Variants in TJP2 observed in about 807,000 individuals in gnomAD.
TJP2 encodes Friedreich ataxia region gene X104 (tight junction protein ZO-2).
TJP2 carries 91 observed loss-of-function variants against 133.1 expected under a neutral mutation model. That is an observed-to-expected ratio of 0.68 (90% CI 0.58 to 0.81). The LOEUF (loss-of-function observed/expected upper bound fraction) is 0.81, where lower values mean the gene tolerates loss of function less well. Among genes scored for constraint, TJP2 ranks in the 40% least tolerant of loss-of-function variants. The pLI is 0.00. For missense variants in TJP2, 1,541 were observed against 1,565.6 expected, an observed-to-expected ratio of 0.98 and a Z score of 0.26; for synonymous variants, 592 against 583.4, an observed-to-expected ratio of 1.01 and a Z score of -0.21.
intron 1 of TJP2, among the ~76,000 whole-genome samples, chr9:69,192,353 T>A (rs1487808561): frequency 6.6e-6 from 1 of 152,060 alleles, no homozygotes; most frequent in Non-Finnish European, 1.5e-5. Flanking sequence ...GAGGTGAGTG[T>A]TATTCACTGG....
chr9:69,195,170 A>T lies in TJP2; in HGVS notation c.61-17378A>T, dbSNP rs557356044. 6.6e-5 allele frequency among the ~76,000 whole-genome samples: 10 copies of T among 152,192 alleles called. No individual in the cohort carries two copies. In the East Asian group the frequency reaches 1.9e-3, roughly 29 times the overall value. ...TATGATTATCTTTATCTTGGTGCCT[A>T]TTATGGGGGTGGTGGTTTGTATGTA... On this transcript the variant is annotated intron_variant, in intron 1 of 22. Coordinates refer to ENST00000377245, the MANE Select transcript of TJP2 (RefSeq NM_004817.4).
At position 69,236,948 on chromosome 9, in the gene TJP2, G is replaced by C. The variant is rs779021176; in HGVS notation, c.1992-1G>C. On this transcript the variant is annotated splice_acceptor_variant, in intron 13 of 22. Transcript: ENST00000377245. LOFTEE classifies it high-confidence loss of function. ...ATTTACTTCCCGTGGTTTCTTCTCA[G>C]AGCTGAACAAATGGCCAGTGTTCAA... is the stretch of plus-strand genomic sequence containing the variant. 3.1e-6 allele frequency: 5 copies of C among 1,614,206 alleles called. No individual in the cohort carries two copies. Among genetic ancestry groups the C allele is most frequent in the Non-Finnish European group, 4.2e-6 (5 of 1,180,038 alleles).
chr9:69,246,372 C>T, intron 17 of TJP2: 1 of 373,838 alleles, frequency 2.7e-6, no homozygotes, highest in Non-Finnish European at 5.1e-6. Context: ...AGATTACAGG[C>T]ATGAGCCACC....
chr9:69,152,269 T>C lies in TJP2; in HGVS notation c.-10+498T>C, dbSNP rs542579001. Among the ~76,000 whole-genome samples, 289 of 152,348 alleles carry C rather than the reference T, an allele frequency of 1.9e-3. 1 individual carries two copies. The highest frequency in any genetic ancestry group is 2.9e-3 in the Non-Finnish European group (199 of 68,034). ...GTGAAAGAGCTAGGAGCGAGTATTA[T>C]CTATTTACTGATTCACTTTTAAGAG... On this transcript the variant is annotated intron_variant, in intron 2 of 5. Transcript: ENST00000423935.
Position 69,225,215 on chromosome 9 carries a change from A to G in TJP2, c.953-89A>G, listed in dbSNP as rs1446400784. On this transcript the variant is annotated intron_variant, in intron 5 of 22. Transcript: ENST00000377245. ...TCCCATATACAAAATTAACTTTTTA[A>G]TACATATTTTAAAATAGTCCTATAA... The G allele has an allele frequency of 2.5e-5, 21 of 848,750 alleles. No individual in the cohort carries two copies. In the Admixed American group the frequency reaches 3.9e-4, roughly 16 times the overall value. 52.6% of individuals were successfully genotyped at this position (848,750 alleles called of 1,614,324 possible).
chr9:69,178,202 A>T (rs1408168320), intron 1 of TJP2, among the ~76,000 whole-genome samples: 1 of 152,168 alleles, frequency 6.6e-6, no homozygotes, highest in Non-Finnish European at 1.5e-5. Context: ...TGCTATCCCA[A>T]AACAGTGCTT....
intron 1 of TJP2, among the ~76,000 whole-genome samples, chr9:69,191,371 T>G (rs1222521296): frequency 2.0e-5 from 3 of 152,262 alleles, no homozygotes; most frequent in Non-Finnish European, 4.4e-5. Flanking sequence ...CTTTGCAACA[T>G]GTACTGTTGT....
intron 1 of TJP2, among the ~76,000 whole-genome samples, chr9:69,177,972 C>T (rs1321686185): frequency 6.6e-6 from 1 of 152,026 alleles, no homozygotes; most frequent in Non-Finnish European, 1.5e-5. Context: ...ACAGCTAGAG[C>T]CCCAGAAGAC....
chr9:69,168,338 CTAT>C (rs1317955790), intron 2 of TJP2, among the ~76,000 whole-genome samples: 1 of 152,034 alleles, frequency 6.6e-6, no homozygotes, highest in Non-Finnish European at 1.5e-5. Flanking sequence ...ATTCACAGGT[CTAT>C]TATTTCTTGG....
rs184487525 is a variant in TJP2, at chr9:69,214,581, G to T, written c.115-1758G>T. Among the ~76,000 whole-genome samples the T allele has an allele frequency of 2.6e-5, 4 of 152,174 alleles. No homozygotes were observed. The East Asian group carries it at 7.7e-4, about 29-fold the overall frequency. Reference sequence around the variant, plus strand: ...GTTCAAATTTTATCTTTAAAATCCAGTTACGGGCCGGGCGCAGTAGCTCAC... The same window carrying T: ...GTTCAAATTTTATCTTTAAAATCCATTTACGGGCCGGGCGCAGTAGCTCAC... On this transcript the variant is annotated intron_variant, in intron 2 of 22. Transcript: ENST00000377245.
intron 1 of TJP2, among the ~76,000 whole-genome samples, chr9:69,200,074 T>G (rs1826874966): frequency 6.6e-6 from 1 of 152,214 alleles, no homozygotes; most frequent in Non-Finnish European, 1.5e-5. Flanking sequence ...TCCCAAGCCA[T>G]AGATTAAGCT....
chr9:69,131,891 G>A (rs1178346126), intron 1 of TJP2, among the ~76,000 whole-genome samples: 1 of 152,140 alleles, frequency 6.6e-6, no homozygotes, highest in Admixed American at 6.6e-5. Context: ...CAGTTTCAAT[G>A]ATTCACTAGG....
chr9:69,164,232 T>C (rs1205886118), intron 2 of TJP2, among the ~76,000 whole-genome samples: 1 of 152,204 alleles, frequency 6.6e-6, no homozygotes, highest in Non-Finnish European at 1.5e-5. Context: ...CGAAAATTCT[T>C]TGTGAATCTA....
intron 2 of TJP2, among the ~76,000 whole-genome samples, chr9:69,167,993 C>G (rs943360177): frequency 7.2e-5 from 11 of 152,106 alleles, no homozygotes; most frequent in Non-Finnish European, 1.5e-4. Context: ...ACTGTTGCAC[C>G]AACCTAAAAT....
chr9:69,133,698 G>A (rs1407807547), intron 1 of TJP2, among the ~76,000 whole-genome samples: 9 of 151,910 alleles, frequency 5.9e-5, no homozygotes, highest in African/African-American at 1.7e-4. Context: ...ACTACAGCGT[G>A]CACCATCATG....
At chr9:69,203,607 A>ATTTGTTTTTTT (rs1827167385) in intron 1 of TJP2, among the ~76,000 whole-genome samples, 2 of 67,860 alleles carry the variant, frequency 2.9e-5, no homozygotes, top group African/African-American at 6.4e-5. Context: ...CCCAGCCTGG[A>ATTTGTTTTTTT]TTTTTTTTTT....
chr9:69,214,128 C>T (rs1452361058), intron 2 of TJP2, among the ~76,000 whole-genome samples: 2 of 152,132 alleles, frequency 1.3e-5, no homozygotes, highest in Non-Finnish European at 2.9e-5. Flanking sequence ...TTCAGTTGCC[C>T]AGGCTGGAGT....
intron 1 of TJP2, among the ~76,000 whole-genome samples, chr9:69,130,232 G>T (rs769605612): frequency 2.8e-4 from 43 of 152,068 alleles, no homozygotes; most frequent in Non-Finnish European, 4.6e-4. Flanking sequence ...TTGGAGGCTC[G>T]CTATAACCTG....
intron 1 of TJP2, among the ~76,000 whole-genome samples, chr9:69,131,500 A>G (rs1822495309): frequency 6.6e-6 from 1 of 152,208 alleles, no homozygotes; most frequent in African/African-American, 2.4e-5. Flanking sequence ...ATTTCATTTT[A>G]AAGGAATCCT....
Sources: gnomAD v4.1 joint callset for allele counts (sites outside exome capture counted in the v4.1 genomes callset) on GRCh38, gnomAD v4.1.1 for gene constraint, MANE v1.5 for transcripts, NCBI Gene and HGNC (gene_info 2026-07-23, HGNC 2026-07-21) for gene names.